DCAF17: variants seen among roughly 807,000 people sequenced by gnomAD.
The protein encoded by DCAF17 is DDB1- and CUL4-associated factor 17.
DCAF17 carries 48 observed loss-of-function variants against 66.0 expected under a neutral mutation model. That is an observed-to-expected ratio of 0.73 (90% CI 0.58 to 0.92). The LOEUF (loss-of-function observed/expected upper bound fraction) is 0.92. Among genes scored for constraint, DCAF17 ranks in the 40% least tolerant of loss-of-function variants. The probability of loss-of-function intolerance (pLI) is 0.00; values close to 1 mark genes in which losing one functional copy is unlikely to be tolerated. For synonymous variants in DCAF17, 206 were observed against 214.6 expected, an observed-to-expected ratio of 0.96 and a Z score of 0.35; for missense variants, 562 against 622.8, an observed-to-expected ratio of 0.90 and a Z score of 1.04.
chr2:171,474,768 C>T (rs1308138613), intron 10 of DCAF17, among the ~76,000 whole-genome samples: 1 of 152,180 alleles, frequency 6.6e-6, no homozygotes, highest in Non-Finnish European at 1.5e-5. Context: ...CTCATACATA[C>T]ACACCATATA....
At chr2:171,466,063 C>G (rs1695880109) in intron 8 of DCAF17, among the ~76,000 whole-genome samples, 1 of 151,918 alleles carries the variant, frequency 6.6e-6, no homozygotes, top group Non-Finnish European at 1.5e-5. Flanking sequence ...GAGGTTTTGC[C>G]ATGTTGCCCA....
chr2:171,462,147 C>A lies in DCAF17; in HGVS notation c.838+3670C>A, dbSNP rs540416017. On this transcript the variant is annotated intron_variant, in intron 8 of 13. Coordinates refer to ENST00000375255, the MANE Select transcript of DCAF17 (RefSeq NM_025000.4). ...GTTTTAGAAGAAAACTTGGGAGAAT[C>A]TTTTTATCTCAGTGTGGGGAAGACC... 5.9e-5 allele frequency among the ~76,000 whole-genome samples: 9 copies of A among 152,230 alleles called. No individual in the cohort carries two copies. In the South Asian group the frequency reaches 1.0e-3, roughly 18 times the overall value.
chr2:171,474,987 A>G (rs1466391236), intron 10 of DCAF17, among the ~76,000 whole-genome samples: 1 of 152,176 alleles, frequency 6.6e-6, no homozygotes, highest in Non-Finnish European at 1.5e-5. Context: ...GAAATATAAA[A>G]ACCTATGCAA....
At chr2:171,459,157 A>G (rs978373401) in intron 8 of DCAF17, among the ~76,000 whole-genome samples, 1 of 152,074 alleles carries the variant, frequency 6.6e-6, no homozygotes, top group African/African-American at 2.4e-5. Context: ...TAAAAATACA[A>G]ATTAGCCAGG....
At chr2:171,437,455 G>A (rs1226738403) in intron 2 of DCAF17, among the ~76,000 whole-genome samples, 1 of 152,150 alleles carries the variant, frequency 6.6e-6, no homozygotes, top group Non-Finnish European at 1.5e-5. Context: ...CTGTATGTCT[G>A]TCCTTATGTC....
chr2:171,472,558 C>A (rs59019079), intron 9 of DCAF17, among the ~76,000 whole-genome samples: 1,988 of 152,286 alleles, frequency 0.013, 50 homozygotes, highest in African/African-American at 0.046. Flanking sequence ...CTCATTTCAA[C>A]CTTTTTTTAA....
chr2:171,468,818 A>C (rs1472658510), intron 8 of DCAF17, 70 bp from the exon 9 acceptor site: 1 of 1,594,944 alleles, frequency 6.3e-7, no homozygotes, highest in Admixed American at 1.7e-5. Context: ...GAAAGGTTGA[A>C]TTCAGTTAAT....
intron 6 of DCAF17, among the ~76,000 whole-genome samples, chr2:171,455,268 T>C (rs1431432155): frequency 6.6e-6 from 1 of 152,220 alleles, no homozygotes; most frequent in Admixed American, 6.5e-5. Context: ...TTTGGTTTTC[T>C]GTTCCTGTTT....
rs1259483120 is a variant in DCAF17 at position 171,483,928 on chromosome 2, G to C, written c.*2814G>C. On this transcript the variant is annotated 3_prime_UTR_variant, in exon 14 of 14. Transcript: ENST00000375255. ...CCAAAGTTCTCAAAAGGCAAGGCAT[G>C]TTATTTTATCCCAATTTAGCATACC... The C allele has an allele frequency of 6.6e-6, 3 of 454,042 alleles. No individual in the cohort carries two copies. The Admixed American group carries it at 7.1e-5, about 11-fold the overall frequency. The allele number at this position is 454,042 out of a possible 1,614,324, so 28.1% of individuals were successfully genotyped here.
In DCAF17 at chr2:171,448,665, C is replaced by CT. The variant is rs139655160; in HGVS notation, c.322-15dup. On this transcript the variant is annotated splice_polypyrimidine_tract_variant and intron_variant, in intron 3 of 13. Transcript: ENST00000375255. Reference sequence around the variant, plus strand: ...GCCAAGCAGTTTCATTTTTATATCTCTCTTTTTTTTTTTAGGGAGATATAC... The same window carrying CT: ...GCCAAGCAGTTTCATTTTTATATCTCTTCTTTTTTTTTTTAGGGAGATATAC... 230,633 of 1,471,118 alleles carry CT rather than the reference C, an allele frequency of 0.16. 5,381 individuals are homozygous for CT. Among genetic ancestry groups the CT allele is most frequent in the Admixed American group, 0.23 (10,457 of 44,896 alleles). 91.1% of individuals were successfully genotyped at this position (1,471,118 alleles called of 1,614,324 possible).
At position 171,450,091 on chromosome 2, in the gene DCAF17, A is replaced by G; in HGVS notation, c.537+134A>G. 7 of 738,250 alleles carry G rather than the reference A, an allele frequency of 9.5e-6. 1 individual carries two copies. The South Asian group carries it at 1.1e-4, about 11-fold the overall frequency. The allele number at this position is 738,250 out of a possible 1,614,324, so 45.7% of individuals were successfully genotyped here. A position where few individuals can be genotyped will look rare whatever the true frequency, so the allele number is the denominator to read the frequency against. On this transcript the variant is annotated intron_variant, in intron 5 of 13. Coordinates refer to ENST00000375255, the MANE Select transcript of DCAF17 (RefSeq NM_025000.4). ...AAAGATAGGATTCACGGCAACCTGG[A>G]TGGGATCGGAGACCATTATTCTAAG...
intron 10 of DCAF17, among the ~76,000 whole-genome samples, chr2:171,474,992 A>G (rs920360138): frequency 2.0e-5 from 3 of 152,224 alleles, no homozygotes; most frequent in Admixed American, 1.3e-4. Context: ...ATAAAAACCT[A>G]TGCAAGTGAA....
intron 9 of DCAF17, among the ~76,000 whole-genome samples, chr2:171,470,676 C>T (rs1202354351): frequency 6.6e-6 from 1 of 152,192 alleles, no homozygotes; most frequent in Non-Finnish European, 1.5e-5. Flanking sequence ...ATTCAGCCAC[C>T]AGGACCTGTC....
rs200707008 is a variant in DCAF17, at chr2:171,457,973, T to C, written c.630T>C (p.Ile210=). The C allele has an allele frequency of 2.5e-6, 4 of 1,613,770 alleles. No individual in the cohort carries two copies. The highest frequency in any genetic ancestry group is 1.7e-5 in the Admixed American group (1 of 60,022). Residue 210 remains isoleucine (I), a splice_region_variant and synonymous_variant, in exon 7 of 14, where the codon ATT becomes ATC. Coordinates refer to ENST00000375255, the MANE Select transcript of DCAF17 (RefSeq NM_025000.4). ...ATATCTGTCTTTCCCCCCGCCAGATTTTTGGGAACGTTACAGATGCTACCT... is the reference window on the plus strand; with the variant it reads ...ATATCTGTCTTTCCCCCCGCCAGATCTTTGGGAACGTTACAGATGCTACCT... ...LVGILEINKK[I]FGNVTDATLS...
At chr2:171,462,244 T>G (rs1181931641) in intron 8 of DCAF17, among the ~76,000 whole-genome samples, 4 of 152,106 alleles carry the variant, frequency 2.6e-5, no homozygotes, top group Non-Finnish European at 5.9e-5. Context: ...AAAAATAAAA[T>G]TCTGCATGGC....
In DCAF17 at chr2:171,483,458, C is replaced by A. The variant is rs1364770727; in HGVS notation, c.*2344C>A. On this transcript the variant is annotated 3_prime_UTR_variant, in exon 14 of 14. Transcript: ENST00000375255. ...ACTCCTGGATCTAAGTTTCTGCATT[C>A]TCAGAGCATCAATGCAGCAAGCTTA... The A allele has an allele frequency of 2.2e-6, 1 of 454,000 alleles. No homozygotes were observed. The highest frequency in any genetic ancestry group is 4.4e-6 in the Non-Finnish European group (1 of 226,802). The allele number at this position is 454,000 out of a possible 1,614,324, so 28.1% of individuals were successfully genotyped here.
At chr2:171,445,426 G>A (rs558497757) in intron 3 of DCAF17, among the ~76,000 whole-genome samples, 1 of 151,830 alleles carries the variant, frequency 6.6e-6, no homozygotes, top group Non-Finnish European at 1.5e-5. Context: ...TGCCCGGTCC[G>A]TATTCTCACT....
At chr2:171,480,688 C>T (rs1353818763) in intron 13 of DCAF17, among the ~76,000 whole-genome samples, 1 of 152,074 alleles carries the variant, frequency 6.6e-6, no homozygotes, top group Non-Finnish European at 1.5e-5. Context: ...TTTGGCACCT[C>T]GTAAATGATC....
intron 3 of DCAF17, 124 bp from the exon 4 acceptor site, chr2:171,448,557 A>T: frequency 1.2e-6 from 1 of 832,176 alleles, no homozygotes; most frequent in Non-Finnish European, 1.8e-6. Flanking sequence ...TTGGGCATTT[A>T]ATCTTTCTTT....
Sources: allele counts gnomAD v4.1 joint callset (sites outside exome capture counted in the v4.1 genomes callset), GRCh38; gene constraint gnomAD v4.1.1; transcripts MANE v1.5; gene names NCBI Gene and HGNC (gene_info 2026-07-23, HGNC 2026-07-21).